Variants in RALYL observed in about 807,000 individuals in gnomAD.
The protein encoded by RALYL is RALY RNA binding protein like, also known as RNA-binding Raly-like protein.
Under a neutral mutation model 35.1 loss-of-function variants are expected in RALYL, and 29 were observed. The ratio of observed to expected loss-of-function variants is 0.83; its 90% CI spans 0.61 to 1.13. The LOEUF is 1.13. Among genes scored for constraint, RALYL ranks in the 50% most tolerant of loss-of-function variants. The probability of loss-of-function intolerance (pLI) is 0.00; values close to 1 mark genes in which losing one functional copy is unlikely to be tolerated. For synonymous variants in RALYL, 120 were observed against 127.6 expected (o/e 0.94, Z 0.40); for missense variants, 359 against 360.4 (o/e 1.00, Z 0.03).
At chr8:84,337,012 GTCTGTGTA>G (rs1847925722) in intron 1 of RALYL, among the ~76,000 whole-genome samples, 1 of 150,416 alleles carries the variant, frequency 6.6e-6, no homozygotes. Context: ...GGAATAACCT[GTCTGTGTA>G]TCTATGTATC....
At chr8:84,182,877 A>C, upstream of RALYL, 1 of 153,108 alleles carries the variant, frequency 6.5e-6, no homozygotes, top group Admixed American at 6.5e-5. Flanking sequence ...AAACAAACAA[A>C]ATGAATGAGT....
intron 1 of RALYL, among the ~76,000 whole-genome samples, chr8:84,481,338 G>T (rs2133886593): frequency 6.6e-6 from 1 of 152,176 alleles, no homozygotes; most frequent in East Asian, 1.9e-4. Context: ...TGTTGCTGTT[G>T]TTTGTTTCTG....
At chr8:84,668,991 A>ATCCC (rs1388374823) in intron 2 of RALYL, among the ~76,000 whole-genome samples, 2 of 152,074 alleles carry the variant, frequency 1.3e-5, no homozygotes, top group Non-Finnish European at 2.9e-5. Flanking sequence ...CCATCCATCC[A>ATCCC]TCCATTTATT....
chr8:84,197,749 C>T (rs1161458977), intron 1 of RALYL, among the ~76,000 whole-genome samples: 4 of 146,152 alleles, frequency 2.7e-5, no homozygotes, highest in South Asian at 2.1e-4. Context: ...GGCAATATAG[C>T]GAGACCCCAT....
intron 1 of RALYL, among the ~76,000 whole-genome samples, chr8:84,341,209 C>T (rs1043982299): frequency 7.3e-6 from 1 of 136,152 alleles, no homozygotes; most frequent in Non-Finnish European, 1.6e-5. Context: ...ATAATTTTGG[C>T]TATTAACTAT....
At chr8:84,458,599 A>T (rs2050402508) in intron 1 of RALYL, among the ~76,000 whole-genome samples, 1 of 151,696 alleles carries the variant, frequency 6.6e-6, no homozygotes, top group Non-Finnish European at 1.5e-5. Context: ...AAATTCACTG[A>T]AACATGTTTT....
chr8:84,644,795 G>A (rs148361977), intron 2 of RALYL, among the ~76,000 whole-genome samples: 425 of 150,270 alleles, frequency 2.8e-3, no homozygotes, highest in Non-Finnish European at 4.9e-3. Flanking sequence ...TCTCTTGCCC[G>A]GGCTGGAGTG....
At chr8:84,242,496 C>T (rs1050572187) in intron 1 of RALYL, among the ~76,000 whole-genome samples, 1 of 152,208 alleles carries the variant, frequency 6.6e-6, no homozygotes, top group Non-Finnish European at 1.5e-5. Context: ...CACAACCTTG[C>T]CAGCACCTGT....
intron 2 of RALYL, among the ~76,000 whole-genome samples, chr8:84,769,656 G>T (rs1414670842): frequency 2.6e-5 from 4 of 152,064 alleles, no homozygotes. Context: ...AGCTACTTGG[G>T]AGGCTGAGGC....
intron 4 of RALYL, among the ~76,000 whole-genome samples, chr8:84,845,737 G>A (rs1036619046): frequency 3.3e-5 from 5 of 151,876 alleles, no homozygotes; most frequent in African/African-American, 1.2e-4. Context: ...TATCAAAAAG[G>A]GGATTTCCTA....
chr8:84,508,081 A>G (rs2134352690), intron 1 of RALYL, among the ~76,000 whole-genome samples: 1 of 152,316 alleles, frequency 6.6e-6, no homozygotes, highest in East Asian at 1.9e-4. Flanking sequence ...AAAAGAATAA[A>G]AGAAGTTATA....
intron 1 of RALYL, among the ~76,000 whole-genome samples, chr8:84,263,899 A>G (rs1363525803): frequency 2.0e-5 from 3 of 152,166 alleles, no homozygotes; most frequent in Non-Finnish European, 4.4e-5. Context: ...TTTGTTGAGG[A>G]TAATGGCTTC....
chr8:84,227,563 T>C (rs570879666), intron 1 of RALYL, among the ~76,000 whole-genome samples: 1 of 152,282 alleles, frequency 6.6e-6, no homozygotes, highest in South Asian at 2.1e-4. Flanking sequence ...AAAAGTTACA[T>C]GATCTTATTC....
At chr8:84,288,944 C>T (rs1838217449) in intron 1 of RALYL, among the ~76,000 whole-genome samples, 1 of 152,046 alleles carries the variant, frequency 6.6e-6, no homozygotes, top group African/African-American at 2.4e-5. Flanking sequence ...TTAAAGCTAT[C>T]ACAATAGGAG....
intron 1 of RALYL, among the ~76,000 whole-genome samples, chr8:84,207,932 A>G (rs1818467767): frequency 6.6e-6 from 1 of 152,056 alleles, no homozygotes; most frequent in Non-Finnish European, 1.5e-5. Flanking sequence ...GAAATTAGGG[A>G]AAAAAGTTTC....
intron 1 of RALYL, among the ~76,000 whole-genome samples, chr8:84,263,582 C>T (rs1049265920): frequency 6.6e-6 from 1 of 151,996 alleles, no homozygotes; most frequent in Non-Finnish European, 1.5e-5. Context: ...GTATTGAAGA[C>T]GGATTTTTTA....
At chr8:84,873,000 G>A in intron 6 of RALYL, 1 of 259,482 alleles carries the variant, frequency 3.9e-6, no homozygotes, top group Non-Finnish European at 7.2e-6. Context: ...GCATCATTGG[G>A]TTATTTTAAA....
intron 2 of RALYL, among the ~76,000 whole-genome samples, chr8:84,718,825 A>G (rs1272185927): frequency 1.3e-5 from 2 of 152,112 alleles, no homozygotes; most frequent in Non-Finnish European, 1.5e-5. Context: ...TTTAAAAAGC[A>G]AGGCATTTCT....
chr8:84,315,011 C>A (rs1023956781), intron 1 of RALYL, among the ~76,000 whole-genome samples: 2 of 152,112 alleles, frequency 1.3e-5, no homozygotes, highest in African/African-American at 2.4e-5. Flanking sequence ...AGTGGTTTGA[C>A]AACTGTTATT....
Sources: gnomAD v4.1 joint callset for allele counts (sites outside exome capture counted in the v4.1 genomes callset) on GRCh38, gnomAD v4.1.1 for gene constraint, MANE v1.5 for transcripts, NCBI Gene and HGNC (gene_info 2026-07-23, HGNC 2026-07-21) for gene names.